Variants in ARHGEF10L observed in about 807,000 individuals in gnomAD.
The protein encoded by ARHGEF10L is Rho guanine nucleotide exchange factor 10 like, also known as rho guanine nucleotide exchange factor 10-like protein.
A neutral mutation model predicts 141.2 loss-of-function variants in ARHGEF10L; 69 were observed. The ratio of observed to expected loss-of-function variants is 0.49; its 90% CI spans 0.40 to 0.60. The LOEUF (loss-of-function observed/expected upper bound fraction) is 0.60. Among genes scored for constraint, ARHGEF10L ranks in the 20% least tolerant of loss-of-function variants. ARHGEF10L has a pLI of 0.00. For missense variants in ARHGEF10L, 1,482 were observed against 1,734.3 expected (o/e 0.85, Z 2.58); for synonymous variants, 711 against 718.5 (o/e 0.99, Z 0.17).
rs567128624 is a variant in ARHGEF10L, at chr1:17,623,820, A to G, written c.1201-567A>G. ...TAGGTAACTAGGTTTTGCTAAAAGA[A>G]AAAAACTTTTTTTTGAAAGCCACAG... On this transcript the variant is annotated intron_variant, in intron 12 of 28. Coordinates refer to ENST00000361221, the MANE Select transcript of ARHGEF10L (RefSeq NM_018125.4). This position sits in a 1 kb window ranked among gnomAD's most constrained non-coding sequence, Gnocchi z 4.7. Among the ~76,000 whole-genome samples the G allele has an allele frequency of 6.6e-6, 1 of 152,174 alleles. No homozygotes were observed. The highest frequency in any genetic ancestry group is 2.1e-4 in the South Asian group (1 of 4,814).
intron 14 of ARHGEF10L, 137 bp downstream of exon 14, chr1:17,626,185 C>A: frequency 1.5e-6 from 1 of 656,982 alleles, no homozygotes; most frequent in Non-Finnish European, 2.6e-6. Context: ...GGGACTCTGG[C>A]CTCATCTTTC....
upstream of ARHGEF10L, among the ~76,000 whole-genome samples, chr1:17,537,463 C>T (rs1485130309): frequency 2.0e-5 from 3 of 152,300 alleles, no homozygotes; most frequent in South Asian, 6.2e-4. Flanking sequence ...GCCCTCAAGG[C>T]TGTATCATAG....
At chr1:17,640,435 G>A in intron 21 of ARHGEF10L, 133 bp downstream of exon 21, 1 of 712,896 alleles carries the variant, frequency 1.4e-6, no homozygotes, top group Non-Finnish European at 2.3e-6. Flanking sequence ...GAGGGAGGTG[G>A]TGCGGTGGAG....
intron 26 of ARHGEF10L, among the ~76,000 whole-genome samples, chr1:17,681,411 A>G (rs1401336700): frequency 1.3e-5 from 2 of 152,240 alleles, no homozygotes; most frequent in Non-Finnish European, 2.9e-5. Flanking sequence ...CCCAAATGCC[A>G]TCCAGGATCC....
chr1:17,675,094 C>G (rs1387574760), intron 26 of ARHGEF10L, among the ~76,000 whole-genome samples: 2 of 152,178 alleles, frequency 1.3e-5, no homozygotes, highest in Non-Finnish European at 2.9e-5. Context: ...AGCCTGGAAA[C>G]CCCAACTCTC....
chr1:17,599,351 GAAA>G (rs376342810), intron 4 of ARHGEF10L, among the ~76,000 whole-genome samples: 1 of 146,450 alleles, frequency 6.8e-6, no homozygotes, highest in Admixed American at 6.8e-5. Context: ...AAAAGAAAAA[GAAA>G]AAAAAAACGT....
In ARHGEF10L at chr1:17,623,631, T is replaced by G. The variant is rs1306981715; in HGVS notation, c.1200+456T>G. Among the ~76,000 whole-genome samples the G allele has an allele frequency of 6.6e-6, 1 of 152,164 alleles. No individual in the cohort carries two copies. The highest frequency in any genetic ancestry group is 1.5e-5 in the Non-Finnish European group (1 of 68,026). On this transcript the variant is annotated intron_variant, in intron 12 of 28. Coordinates refer to ENST00000361221, the MANE Select transcript of ARHGEF10L (RefSeq NM_018125.4). This position sits in a 1 kb window ranked among gnomAD's most constrained non-coding sequence, Gnocchi z 4.7. ...GACCTGGTTCTGGTCCCAGCTCAGT[T>G]CTGCAACCTAGGGCAGGTCCAGGGC...
rs1262611242 is a variant in ARHGEF10L, at chr1:17,634,919, G to A, written c.1830G>A (p.Val610=). 2.5e-6 allele frequency: 4 copies of A among 1,614,130 alleles called. No homozygotes were observed. Among genetic ancestry groups the A allele is most frequent in the East Asian group, 2.2e-5 (1 of 44,864 alleles). Residue 610 remains valine (V), a synonymous_variant, in exon 18 of 29, where the codon GTG becomes GTA. Coordinates refer to ENST00000361221, the MANE Select transcript of ARHGEF10L (RefSeq NM_018125.4). ...KWNTALPQVQ[V]VEVGQDGGTY... ...ACACGGCGCTGCCCCAGGTGCAGGT[G>A]GTGGAGGTGGGCCAGGACGGTGGCA...
At chr1:17,618,225 A>C in intron 9 of ARHGEF10L, 2 of 1,190,908 alleles carry the variant, frequency 1.7e-6, no homozygotes, top group South Asian at 3.4e-5. Context: ...TCACCCTCCC[A>C]ACCCCAGGCT....
At chr1:17,680,238 C>A (rs1383561236) in intron 26 of ARHGEF10L, among the ~76,000 whole-genome samples, 2 of 152,208 alleles carry the variant, frequency 1.3e-5, no homozygotes, top group Admixed American at 1.3e-4. Context: ...AAAGTAGAAG[C>A]CCCACCAGCA....
intron 26 of ARHGEF10L, among the ~76,000 whole-genome samples, chr1:17,672,743 G>T (rs1477069733): frequency 6.6e-6 from 1 of 152,148 alleles, no homozygotes; most frequent in Non-Finnish European, 1.5e-5. Context: ...CATCAGGAAG[G>T]CTTGAAGTTA....
chr1:17,657,859 G>A lies in ARHGEF10L; in HGVS notation c.2860+1151G>A, dbSNP rs1321864858. On this transcript the variant is annotated intron_variant, in intron 25 of 28. Transcript: ENST00000361221. The stretch of plus-strand genomic sequence containing the variant: ...CGGCCTGTGCCACCCTGGCGCTCTG[G>A]TCCCCAGCTTGGGTTGGCTTTGGCC... 2.0e-5 allele frequency among the ~76,000 whole-genome samples: 3 copies of A among 152,228 alleles called. No individual in the cohort carries two copies. In the South Asian group the frequency reaches 6.2e-4, roughly 32 times the overall value.
chr1:17,578,140 G>T (rs549748247), intron 1 of ARHGEF10L, among the ~76,000 whole-genome samples: 1 of 152,266 alleles, frequency 6.6e-6, no homozygotes, highest in Non-Finnish European at 1.5e-5. Context: ...TGTAAAATGG[G>T]TATAGGTCTT....
intron 26 of ARHGEF10L, among the ~76,000 whole-genome samples, chr1:17,685,350 A>G (rs558762980): frequency 1.3e-5 from 2 of 152,174 alleles, no homozygotes; most frequent in Admixed American, 1.3e-4. Context: ...GGCCTGTCCC[A>G]TTGCTGTGCC....
upstream of ARHGEF10L, among the ~76,000 whole-genome samples, chr1:17,537,208 TATGGGAAATCTCCC>T (rs1269659646): frequency 6.6e-6 from 1 of 152,190 alleles, no homozygotes; most frequent in Non-Finnish European, 1.5e-5. Context: ...TCTGACTTTT[TATGGGAAATCTCCC>T]AATGATTAAA....
intron 1 of ARHGEF10L, among the ~76,000 whole-genome samples, chr1:17,549,254 C>T (rs1251851326): frequency 1.3e-5 from 2 of 152,066 alleles, no homozygotes; most frequent in Non-Finnish European, 2.9e-5. Context: ...AACTCCTGAC[C>T]TCAAGTGATT....
chr1:17,692,201 G>A (rs561536253), intron 27 of ARHGEF10L, among the ~76,000 whole-genome samples: 1 of 152,158 alleles, frequency 6.6e-6, no homozygotes, highest in East Asian at 1.9e-4. Flanking sequence ...CCCAGGTACT[G>A]TTTGTGAAAT....
chr1:17,589,147 A>C (rs1329132008), intron 4 of ARHGEF10L, among the ~76,000 whole-genome samples: 1 of 152,074 alleles, frequency 6.6e-6, no homozygotes, highest in Non-Finnish European at 1.5e-5. Flanking sequence ...ATGTCAGTCA[A>C]GTCCCCCTTT....
the ARHGEF10L span, among the ~76,000 whole-genome samples, chr1:17,517,731 G>T: frequency 6.6e-5 from 10 of 151,684 alleles, no homozygotes; most frequent in African/African-American, 2.2e-4. Flanking sequence ...CACGATCTTG[G>T]CTCACTGCAA....
Sources: allele counts gnomAD v4.1 joint callset (sites outside exome capture counted in the v4.1 genomes callset), GRCh38; gene constraint gnomAD v4.1.1; non-coding constraint Gnocchi (gnomAD v3.1); transcripts MANE v1.5; gene names NCBI Gene and HGNC (gene_info 2026-07-23, HGNC 2026-07-21).